TMEM14B: variants seen among roughly 807,000 people sequenced by gnomAD.
The protein encoded by TMEM14B is transmembrane protein 14B.
In TMEM14B, 9 loss-of-function variants were observed where a neutral mutation model predicts 14.8. That is an observed-to-expected ratio of 0.61 (90% CI 0.37 to 1.06). The LOEUF (loss-of-function observed/expected upper bound fraction) is 1.06. TMEM14B is among the 50% of genes least tolerant of loss of function. The pLI, the probability that TMEM14B is intolerant of heterozygous loss-of-function variation, is 0.01. For synonymous variants in TMEM14B, 40 were observed against 51.3 expected (o/e 0.78, Z 0.94); for missense variants, 128 against 143.6 (o/e 0.89, Z 0.56).
At chr6:10,752,294 A>G (rs1342226547) in intron 4 of TMEM14B, among the ~76,000 whole-genome samples, 2 of 151,582 alleles carry the variant, frequency 1.3e-5, no homozygotes, top group African/African-American at 4.9e-5. Context: ...CTCCTTTCCA[A>G]CACCAGTGTC....
At chr6:10,751,277 G>A in intron 4 of TMEM14B, 43 bp downstream of exon 4, 1 of 1,605,250 alleles carries the variant, frequency 6.2e-7, no homozygotes. Context: ...CATGTATCTG[G>A]AATATTCTTT....
chr6:10,754,631 G>C (rs1339045997), intron 4 of TMEM14B, among the ~76,000 whole-genome samples: 1 of 152,186 alleles, frequency 6.6e-6, no homozygotes, highest in African/African-American at 2.4e-5. Context: ...ATTGTACCTT[G>C]TTTTTCTTTG....
At position 10,749,665 on chromosome 6, in the gene TMEM14B, G is replaced by T; in HGVS notation, c.67G>T (p.Val23Phe). ...TGGCTTTGGCTACACAGCACTGGTT[G>T]TTTCTGGTGGGATCGTTGGCTATGT... is the stretch of plus-strand genomic sequence containing the variant. ...WFGFGYTALV[V>F]SGGIVGYVKT... The change falls in exon 3 of 6, where the codon GTT becomes TTT. Residue 23 changes from valine to phenylalanine, a missense_variant. By Grantham distance (50) the Val-to-Phe change is conservative. Coordinates refer to ENST00000379542, the MANE Select transcript of TMEM14B (RefSeq NM_030969.5). The T allele has an allele frequency of 2.5e-6, 4 of 1,614,238 alleles. No individual in the cohort carries two copies. The highest frequency in any genetic ancestry group is 3.4e-6 in the Non-Finnish European group (4 of 1,180,042).
At chr6:10,755,440 C>CT in intron 5 of TMEM14B, 1 of 1,460,484 alleles carries the variant, frequency 6.8e-7, no homozygotes, top group South Asian at 1.4e-5. Flanking sequence ...GTGGAGATGG[C>CT]TTTGTTCTCT....
intron 5 of TMEM14B, chr6:10,755,710 A>G (rs1381176067): frequency 9.9e-7 from 1 of 1,010,108 alleles, no homozygotes; most frequent in Non-Finnish European, 1.2e-6. Context: ...ATCCAAGCAC[A>G]GTGGGAGGCC....
rs1188778339 is a variant in TMEM14B, at chr6:10,751,132, G to C, written c.101-1G>C. The C allele has an allele frequency of 6.2e-7, 1 of 1,613,456 alleles. No homozygotes were observed. The highest frequency in any genetic ancestry group is 8.5e-7 in the Non-Finnish European group (1 of 1,179,970). ...TGCAAGCTGCGTTTGCTTCCTTCTA[G>C]GCAGCGTGCCGTCCCTGGCTGCAGG... On this transcript the variant is annotated splice_acceptor_variant, in intron 3 of 5. Coordinates refer to ENST00000379542, the MANE Select transcript of TMEM14B (RefSeq NM_030969.5). LOFTEE classifies it high-confidence loss of function.
intron 4 of TMEM14B, 88 bp from the exon 5 acceptor site, chr6:10,755,054 C>A: frequency 7.2e-7 from 1 of 1,391,214 alleles, no homozygotes; most frequent in Non-Finnish European, 1.0e-6. Context: ...GAGGCGTGAG[C>A]CTTGAGAGAT....
chr6:10,749,490 T>G (rs546466826), intron 2 of TMEM14B, 132 bp from the exon 3 acceptor site: 2 of 1,180,692 alleles, frequency 1.7e-6, no homozygotes, highest in Non-Finnish European at 1.3e-6. Flanking sequence ...GTGCTTATTT[T>G]CAGTGATAGT....
In TMEM14B at chr6:10,749,490, T is replaced by C. The variant is rs546466826; in HGVS notation, c.24-132T>C. 176 of 1,180,808 alleles carry C rather than the reference T, an allele frequency of 1.5e-4. No homozygotes were observed. The Admixed American group carries it at 2.5e-3, about 17-fold the overall frequency. The allele number at this position is 1,180,808 out of a possible 1,614,324, so 73.1% of individuals were successfully genotyped here. ...CATCCAACCTCTGTGGTGCTTATTTTCAGTGATAGTACCTGTGGGCACATA... is the reference window on the plus strand; with the variant it reads ...CATCCAACCTCTGTGGTGCTTATTTCCAGTGATAGTACCTGTGGGCACATA... On this transcript the variant is annotated intron_variant, in intron 2 of 5. Transcript: ENST00000379542.
intron 5 of TMEM14B, 51 bp from the exon 6 acceptor site, chr6:10,756,416 T>A (rs372688228): frequency 4.4e-4 from 705 of 1,602,570 alleles, no homozygotes; most frequent in Non-Finnish European, 5.8e-4. Flanking sequence ...AAAACATAGT[T>A]GCCTGTTCTA....
At chr6:10,749,793 C>T in intron 3 of TMEM14B, 95 bp downstream of exon 3, 1 of 1,485,882 alleles carries the variant, frequency 6.7e-7, no homozygotes. Context: ...TCGTTTGACT[C>T]AGCTTTGCTG....
intron 3 of TMEM14B, 60 bp downstream of exon 3, chr6:10,749,758 G>A: frequency 6.3e-7 from 1 of 1,594,446 alleles, no homozygotes; most frequent in Admixed American, 1.7e-5. Context: ...TGAAATGTGA[G>A]TGCCTGTGTC....
At chr6:10,758,284 C>G (rs955318612), downstream of TMEM14B, among the ~76,000 whole-genome samples, 1 of 152,300 alleles carries the variant, frequency 6.6e-6, no homozygotes, top group African/African-American at 2.4e-5. Flanking sequence ...AAAGGGCACA[C>G]ATTTTTGCCA....
chr6:10,757,265 T>TC (rs1229230289), downstream of TMEM14B, among the ~76,000 whole-genome samples: 1 of 151,978 alleles, frequency 6.6e-6, no homozygotes, highest in African/African-American at 2.4e-5. Flanking sequence ...ACTCTTGGGT[T>TC]CAGTCATCCC....
At chr6:10,756,017 T>G in intron 5 of TMEM14B, among the ~76,000 whole-genome samples, 1 of 152,152 alleles carries the variant, frequency 6.6e-6, no homozygotes, top group East Asian at 1.9e-4. Context: ...AGGGGAATTT[T>G]TAAAATCCTG....
At chr6:10,757,964 C>G (rs1233986024), downstream of TMEM14B, among the ~76,000 whole-genome samples, 4 of 151,188 alleles carry the variant, frequency 2.6e-5, no homozygotes, top group African/African-American at 4.9e-5. Context: ...GCACTCCAAC[C>G]TGGGCGACAG....
Position 10,756,606 on chromosome 6 carries a change from C to T in TMEM14B, c.*88C>T, listed in dbSNP as rs1771811977. The T allele has an allele frequency of 1.3e-5, 19 of 1,512,494 alleles. 1 individual carries two copies. The South Asian group carries it at 2.3e-4, about 18-fold the overall frequency. The allele number at this position is 1,512,494 out of a possible 1,614,324, so 93.7% of individuals were successfully genotyped here. A position where few individuals can be genotyped will look rare whatever the true frequency, so the allele number is the denominator to read the frequency against. On this transcript the variant is annotated 3_prime_UTR_variant, in exon 6 of 6. Transcript: ENST00000379542. ...AATGTATTAAGAGAAATAAGTGCAG[C>T]ATTTTTGCATCTGACATTTTACCTA...
chr6:10,758,090 G>T (rs561325), downstream of TMEM14B, among the ~76,000 whole-genome samples: 62,170 of 151,992 alleles, frequency 0.41, 16,288 homozygotes, highest in African/African-American at 0.74. Flanking sequence ...ATAAGCCCCT[G>T]GATGGTGGTC....
intron 4 of TMEM14B, among the ~76,000 whole-genome samples, chr6:10,752,532 C>T (rs1412913666): frequency 6.8e-6 from 1 of 147,760 alleles, no homozygotes; most frequent in African/African-American, 2.5e-5. Flanking sequence ...TCTTGGCTCA[C>T]TGCAACCTCC....
Sources: gnomAD v4.1 joint callset for allele counts (sites outside exome capture counted in the v4.1 genomes callset) on GRCh38, gnomAD v4.1.1 for gene constraint, MANE v1.5 for transcripts, NCBI Gene and HGNC (gene_info 2026-07-23, HGNC 2026-07-21) for gene names.